Variants in ADGRF3 observed in about 807,000 individuals in gnomAD.
The protein encoded by ADGRF3 is adhesion G protein-coupled receptor F3, also known as G protein-coupled receptor 113.
A neutral mutation model predicts 93.2 loss-of-function variants in ADGRF3; 85 were observed. The observed-to-expected ratio is 0.91, with a 90% confidence interval of 0.77 to 1.09. The LOEUF is 1.09. Ranked by LOEUF, ADGRF3 falls within the 50% of genes least tolerant of loss-of-function variation. ADGRF3 has a pLI of 0.00. For synonymous variants in ADGRF3, 534 were observed against 532.5 expected, an observed-to-expected ratio of 1.00 and a Z score of -0.04; for missense variants, 1,125 against 1,246.2, an observed-to-expected ratio of 0.90 and a Z score of 1.46.
intron 1 of ADGRF3, among the ~76,000 whole-genome samples, chr2:26,321,513 G>A (rs1305587145): frequency 1.3e-5 from 2 of 152,068 alleles, no homozygotes; most frequent in Non-Finnish European, 2.9e-5. Context: ...AAATACACAA[G>A]CAAGAGGTGG....
At chr2:26,316,547 G>A in intron 3 of ADGRF3, 99 bp from the exon 4 acceptor site, 1 of 1,252,442 alleles carries the variant, frequency 8.0e-7, no homozygotes, top group South Asian at 1.5e-5. Context: ...TTAGGGCTGG[G>A]TATCTGGACC....
At chr2:26,339,058 T>C (rs972280987) in intron 1 of ADGRF3, among the ~76,000 whole-genome samples, 23 of 128,420 alleles carry the variant, frequency 1.8e-4, no homozygotes, top group Non-Finnish European at 2.8e-4. Flanking sequence ...GAGGTTGCAG[T>C]GAGCCAAGAT....
rs1034774481 is a variant in ADGRF3 at position 26,314,549 on chromosome 2, C to A, written c.793G>T (p.Ala265Ser). The A allele has an allele frequency of 1.2e-6, 2 of 1,613,920 alleles. No homozygotes were observed. The highest frequency in any genetic ancestry group is 1.3e-5 in the African/African-American group (1 of 74,936). The stretch of plus-strand genomic sequence containing the variant: ...TATGGAAGTCGAGCCACATCTGTCG[C>A]CTTCAAGGGCACCCTCACCACCTCA... ...LYEVVRVPLK[A>S]TDVARLPYQL... is the part of the protein sequence containing the mutation. Residue 265 changes from alanine to serine, a missense_variant, in exon 6 of 14, where the codon GCG becomes TCG. Physicochemically the swap from Ala to Ser is moderately conservative, Grantham distance 99. Transcript: ENST00000651242.
At chr2:26,316,848 G>A in intron 3 of ADGRF3, 64 bp downstream of exon 3, 1 of 1,514,562 alleles carries the variant, frequency 6.6e-7, no homozygotes, top group Admixed American at 2.2e-5. Flanking sequence ...CAGGCAAGCT[G>A]GCTGCAGGAG....
At chr2:26,309,493 C>A (rs1190427342) in intron 13 of ADGRF3, 33 bp downstream of exon 13, 4 of 1,603,988 alleles carry the variant, frequency 2.5e-6, no homozygotes, top group Middle Eastern at 1.8e-4. Context: ...ATCCACCCTG[C>A]TTACGCTGCC....
intron 9 of ADGRF3, 117 bp downstream of exon 9, chr2:26,312,826 G>A (rs1318785546): frequency 1.1e-6 from 1 of 924,852 alleles, no homozygotes; most frequent in Non-Finnish European, 1.6e-6. Context: ...CTGGACTCTG[G>A]AAAGGTCTGC....
chr2:26,320,396 T>C (rs2147893713), intron 1 of ADGRF3, among the ~76,000 whole-genome samples: 1 of 152,278 alleles, frequency 6.6e-6, no homozygotes, highest in East Asian at 1.9e-4. Context: ...CTTAGCAGGC[T>C]GAGGCAGGAG....
At chr2:26,345,333 T>G (rs1676649656) in intron 1 of ADGRF3, among the ~76,000 whole-genome samples, 2 of 152,204 alleles carry the variant, frequency 1.3e-5, no homozygotes, top group African/African-American at 4.8e-5. Context: ...GCTCCAGTTA[T>G]GTAAAACACC....
chr2:26,342,839 G>A (rs1464775620), intron 1 of ADGRF3, among the ~76,000 whole-genome samples: 3 of 152,176 alleles, frequency 2.0e-5, no homozygotes, highest in Non-Finnish European at 4.4e-5. Flanking sequence ...GAAACAGAAA[G>A]GTGACTTAGT....
chr2:26,329,936 C>T (rs750703401), intron 1 of ADGRF3, among the ~76,000 whole-genome samples: 1 of 152,068 alleles, frequency 6.6e-6, no homozygotes, highest in Non-Finnish European at 1.5e-5. Flanking sequence ...ATTGTTTTTT[C>T]CCATGTGAGT....
At position 26,310,247 on chromosome 2, in the gene ADGRF3, G is replaced by A; in HGVS notation, c.2833-10C>T. On this transcript the variant is annotated splice_polypyrimidine_tract_variant and intron_variant, in intron 10 of 13. Coordinates refer to ENST00000651242, the MANE Select transcript of ADGRF3 (RefSeq NM_001321971.2). ...ATAGGATGAAGACGCCCTGAGAAGAGGGACATGGGGATAAGCTGGTCAAGG... is the reference window on the plus strand; with the variant it reads ...ATAGGATGAAGACGCCCTGAGAAGAAGGACATGGGGATAAGCTGGTCAAGG... 1 of 1,613,944 alleles carries A rather than the reference G, an allele frequency of 6.2e-7. No homozygotes were observed. The highest frequency in any genetic ancestry group is 2.2e-5 in the East Asian group (1 of 44,886).
chr2:26,324,885 T>C lies in ADGRF3; in HGVS notation c.115-7323A>G, dbSNP rs190710093. On this transcript the variant is annotated intron_variant, in intron 1 of 13. Transcript: ENST00000651242. ...AATAGTATTTCTGTCTTTAGGTCTTTCAGGAATTGCCACTGTCTTCCACAA... is the reference window on the plus strand; with the variant it reads ...AATAGTATTTCTGTCTTTAGGTCTTCCAGGAATTGCCACTGTCTTCCACAA... Among the ~76,000 whole-genome samples, 5 of 152,354 alleles carry C rather than the reference T, an allele frequency of 3.3e-5. No individual in the cohort carries two copies. The East Asian group carries it at 9.6e-4, about 29-fold the overall frequency.
At position 26,313,051 on chromosome 2, in the gene ADGRF3, C is replaced by T. The variant is rs749656962; in HGVS notation, c.1341G>A (p.Ala447=). Residue 447 remains alanine (A), a synonymous_variant, in exon 9 of 14, where the codon GCG becomes GCA. Transcript: ENST00000651242. ...PQILAQLPGQ[A]AEASSPSDLL... ...AGTCGGAGGGTGAACTTGCCTCTGC[C>T]GCCTGCCCTGGCAGCTGTGCCAGGA... 15 of 1,613,916 alleles carry T rather than the reference C, an allele frequency of 9.3e-6. 1 individual carries two copies. The highest frequency in any genetic ancestry group is 5.5e-5 in the South Asian group (5 of 91,094).
chr2:26,312,690 C>T lies in ADGRF3; in HGVS notation c.1449+253G>A, dbSNP rs77080827. Reference sequence around the variant, plus strand: ...AGCCACACGCCTGCATGCGCACACACGCCTCGGGCCTCATGTCTCCACACC... The same window carrying T: ...AGCCACACGCCTGCATGCGCACACATGCCTCGGGCCTCATGTCTCCACACC... On this transcript the variant is annotated intron_variant, in intron 9 of 13. Coordinates refer to ENST00000651242, the MANE Select transcript of ADGRF3 (RefSeq NM_001321971.2). Among the ~76,000 whole-genome samples the T allele has an allele frequency of 2.5e-4, 38 of 152,358 alleles. 1 individual carries two copies. In the East Asian group the frequency reaches 3.3e-3, roughly 13 times the overall value.
intron 1 of ADGRF3, among the ~76,000 whole-genome samples, chr2:26,340,030 A>G (rs1457833049): frequency 6.6e-6 from 1 of 152,238 alleles, no homozygotes; most frequent in Non-Finnish European, 1.5e-5. Context: ...TTGGTTAATC[A>G]AATCATTTTC....
At chr2:26,328,698 C>T (rs1015408884) in intron 1 of ADGRF3, among the ~76,000 whole-genome samples, 7 of 152,174 alleles carry the variant, frequency 4.6e-5, no homozygotes, top group Admixed American at 6.5e-5. Flanking sequence ...GTGATCCGCC[C>T]GCCTCAGCCT....
At chr2:26,334,302 A>AG (rs1465323644) in intron 1 of ADGRF3, among the ~76,000 whole-genome samples, 2 of 151,786 alleles carry the variant, frequency 1.3e-5, no homozygotes, top group African/African-American at 4.8e-5. Flanking sequence ...AAAAAAAAAA[A>AG]AAAGTAAATT....
At position 26,328,445 on chromosome 2, in the gene ADGRF3, G is replaced by C. The variant is rs960486825; in HGVS notation, c.115-10883C>G. 2.1e-5 allele frequency among the ~76,000 whole-genome samples: 3 copies of C among 143,542 alleles called. No individual in the cohort carries two copies. In the Admixed American group the frequency reaches 2.2e-4, roughly 11 times the overall value. The allele number at this position is 143,542 out of a possible 152,430, so 94.2% of individuals were successfully genotyped here. A position where few individuals can be genotyped will look rare whatever the true frequency, so the allele number is the denominator to read the frequency against. On this transcript the variant is annotated intron_variant, in intron 1 of 13. Transcript: ENST00000651242. ...GGCGCTCTAATGACACAACTATTAGGCCTTTTTAGTTTTTTTTTTTTTTTT... is the reference window on the plus strand; with the variant it reads ...GGCGCTCTAATGACACAACTATTAGCCCTTTTTAGTTTTTTTTTTTTTTTT...
intron 1 of ADGRF3, among the ~76,000 whole-genome samples, chr2:26,343,928 A>G (rs1392452533): frequency 3.3e-5 from 5 of 152,242 alleles, no homozygotes; most frequent in Non-Finnish European, 7.3e-5. Context: ...GCAAATTGTA[A>G]CTGCTTTCAC....
Sources: gnomAD v4.1 joint callset for allele counts (sites outside exome capture counted in the v4.1 genomes callset) on GRCh38, gnomAD v4.1.1 for gene constraint, MANE v1.5 for transcripts, NCBI Gene and HGNC (gene_info 2026-07-23, HGNC 2026-07-21) for gene names.